Variants in ELOVL5 observed in about 807,000 individuals in gnomAD.
ELOVL5 encodes the protein ELOVL fatty acid elongase 5, also known as very long chain fatty acid elongase 5.
In ELOVL5, 8 loss-of-function variants were observed where a neutral mutation model predicts 38.6. The observed-to-expected ratio is 0.21, with a 90% CI of 0.12 to 0.37. The LOEUF (loss-of-function observed/expected upper bound fraction) is 0.37. Ranked by LOEUF, ELOVL5 falls within the 10% of genes least tolerant of loss-of-function variation. The pLI, the probability that ELOVL5 is intolerant of heterozygous loss-of-function variation, is 1.00. For synonymous variants in ELOVL5, 127 were observed against 133.7 expected, an observed-to-expected ratio of 0.95 and a Z score of 0.34; for missense variants, 280 against 367.8, an observed-to-expected ratio of 0.76 and a Z score of 1.95.
rs1767901237 is a variant in ELOVL5 at position 53,312,904 on chromosome 6, CCATT to C, written c.-8-17201_-8-17198del. Among the ~76,000 whole-genome samples the C allele has an allele frequency of 2.0e-5, 3 of 152,320 alleles. No homozygotes were observed. The South Asian group carries it at 6.2e-4, about 32-fold the overall frequency. ...GCAAGGAATAGTCTGAACTATGACT[CCATT>C]CACAAAAGTTTAAGACTTTACCTAA... On this transcript the variant is annotated intron_variant, in intron 1 of 7. Transcript: ENST00000304434.
intron 1 of ELOVL5, among the ~76,000 whole-genome samples, chr6:53,304,940 G>GTA (rs1767423847): frequency 6.6e-6 from 1 of 152,076 alleles, no homozygotes; most frequent in Non-Finnish European, 1.5e-5. Context: ...GAGCTGTTGG[G>GTA]TACACCTCCC....
chr6:53,320,913 G>A (rs936906824), intron 1 of ELOVL5, among the ~76,000 whole-genome samples: 1 of 152,096 alleles, frequency 6.6e-6, no homozygotes, highest in Non-Finnish European at 1.5e-5. Context: ...CAGGATTCTT[G>A]AATTCATTTA....
chr6:53,325,243 G>A (rs1768489634), intron 1 of ELOVL5, among the ~76,000 whole-genome samples: 1 of 152,100 alleles, frequency 6.6e-6, no homozygotes, highest in African/African-American at 2.4e-5. Flanking sequence ...CCAAGGACAG[G>A]ACAATTTATG....
intron 1 of ELOVL5, among the ~76,000 whole-genome samples, chr6:53,297,568 C>T (rs1189513919): frequency 6.6e-6 from 1 of 152,080 alleles, no homozygotes; most frequent in East Asian, 1.9e-4. Context: ...GCCTCAGGAT[C>T]GAAGTGCTCA....
At chr6:53,323,659 C>A (rs528349104) in intron 1 of ELOVL5, among the ~76,000 whole-genome samples, 2 of 146,402 alleles carry the variant, frequency 1.4e-5, no homozygotes, top group Non-Finnish European at 3.0e-5. Flanking sequence ...CTCGGCTCAC[C>A]GCAACCTCCG....
chr6:53,335,227 C>T (rs568480748), intron 1 of ELOVL5, among the ~76,000 whole-genome samples: 5 of 152,200 alleles, frequency 3.3e-5, no homozygotes, highest in African/African-American at 1.2e-4. Context: ...CTCCTCACCC[C>T]CTGAAAGCAC....
intron 1 of ELOVL5, among the ~76,000 whole-genome samples, chr6:53,319,491 A>G (rs945903201): frequency 6.6e-6 from 1 of 152,182 alleles, no homozygotes; most frequent in Admixed American, 6.5e-5. Context: ...AGTGCTCAGG[A>G]GCAACATGTG....
At chr6:53,302,171 C>A (rs1360122105) in intron 1 of ELOVL5, among the ~76,000 whole-genome samples, 2 of 152,172 alleles carry the variant, frequency 1.3e-5, no homozygotes, top group Non-Finnish European at 2.9e-5. Flanking sequence ...AAACCCAAAG[C>A]CCTAAAGAGA....
intron 3 of ELOVL5, among the ~76,000 whole-genome samples, chr6:53,280,863 G>C (rs534057855): frequency 6.6e-6 from 1 of 152,278 alleles, no homozygotes; most frequent in Non-Finnish European, 1.5e-5. Flanking sequence ...CCAAAGTGCT[G>C]GGATTCCAGG....
intron 1 of ELOVL5, among the ~76,000 whole-genome samples, chr6:53,297,780 C>T (rs924243708): frequency 6.6e-6 from 1 of 151,950 alleles, no homozygotes; most frequent in East Asian, 1.9e-4. Context: ...TACTCCCTGA[C>T]GATGAGGGGG....
At chr6:53,320,350 T>A (rs1217636977) in intron 1 of ELOVL5, among the ~76,000 whole-genome samples, 1 of 151,456 alleles carries the variant, frequency 6.6e-6, no homozygotes, top group Admixed American at 6.6e-5. Context: ...TTTTTTTCTT[T>A]TTTTGAGACA....
intron 1 of ELOVL5, among the ~76,000 whole-genome samples, chr6:53,309,823 C>T (rs1183464330): frequency 6.6e-6 from 1 of 152,130 alleles, no homozygotes; most frequent in Non-Finnish European, 1.5e-5. Flanking sequence ...CCAACAGCCA[C>T]CTGAATGAGC....
At chr6:53,282,128 T>C (rs1766386015) in intron 3 of ELOVL5, among the ~76,000 whole-genome samples, 1 of 152,234 alleles carries the variant, frequency 6.6e-6, no homozygotes. Flanking sequence ...ATACCTGACA[T>C]AAGGTAGGCA....
intron 1 of ELOVL5, among the ~76,000 whole-genome samples, chr6:53,339,989 T>C (rs1449337901): frequency 6.6e-6 from 1 of 152,208 alleles, no homozygotes; most frequent in East Asian, 1.9e-4. Context: ...TTGATGATCC[T>C]GCCCCTGTAC....
chr6:53,305,449 T>C (rs1767476257), intron 1 of ELOVL5, among the ~76,000 whole-genome samples: 1 of 142,894 alleles, frequency 7.0e-6, no homozygotes. Flanking sequence ...CCAGACGGGG[T>C]GGCAGCCGGG....
intron 6 of ELOVL5, 95 bp downstream of exon 6, chr6:53,273,125 G>T (rs1765984624): frequency 7.7e-7 from 1 of 1,298,100 alleles, no homozygotes. Flanking sequence ...GGGTGGAGAA[G>T]GGGCATCTTA....
intron 1 of ELOVL5, among the ~76,000 whole-genome samples, chr6:53,298,106 A>T (rs1202555952): frequency 6.6e-6 from 1 of 152,238 alleles, no homozygotes; most frequent in Non-Finnish European, 1.5e-5. Context: ...TTGAAAGACA[A>T]CCATCATGAT....
intron 3 of ELOVL5, among the ~76,000 whole-genome samples, chr6:53,286,540 C>T (rs1023811496): frequency 2.0e-5 from 3 of 152,012 alleles, no homozygotes; most frequent in Admixed American, 6.5e-5. Context: ...GAACTCCAGC[C>T]GGGGTAACAG....
intron 3 of ELOVL5, among the ~76,000 whole-genome samples, chr6:53,281,820 GTGT>G (rs1561866173): frequency 2.0e-5 from 2 of 99,894 alleles, no homozygotes; most frequent in African/African-American, 1.3e-4. Flanking sequence ...ACCTCCACAG[GTGT>G]TTTTTTTTTT....
Sources: allele counts gnomAD v4.1 joint callset (sites outside exome capture counted in the v4.1 genomes callset), GRCh38; gene constraint gnomAD v4.1.1; transcripts MANE v1.5; gene names NCBI Gene and HGNC (gene_info 2026-07-23, HGNC 2026-07-21).